Variants in RFX7 observed in about 807,000 individuals in gnomAD.
RFX7 encodes regulatory factor X7, also known as DNA-binding protein RFX7.
RFX7 carries 26 observed loss-of-function variants against 111.8 expected under a neutral mutation model. The ratio of observed to expected loss-of-function variants is 0.23; its 90% CI spans 0.17 to 0.32. RFX7 has a LOEUF of 0.32. RFX7 is among the 10% of genes least tolerant of loss of function. RFX7 has a pLI of 1.00. For missense variants in RFX7, 1,573 were observed against 1,772.9 expected, an observed-to-expected ratio of 0.89 and a Z score of 2.02; for synonymous variants, 624 against 624.4, an observed-to-expected ratio of 1.00 and a Z score of 0.01.
At chr15:56,243,056 G>GCCC in intron 2 of RFX7, 69 bp downstream of exon 2, 4 of 520,782 alleles carry the variant, frequency 7.7e-6, no homozygotes, top group South Asian at 5.0e-5. Flanking sequence ...CCCGCCCGCC[G>GCCC]CCCCCCACCC....
At chr15:56,212,514 T>C (rs1230855398) in intron 2 of RFX7, among the ~76,000 whole-genome samples, 1 of 152,116 alleles carries the variant, frequency 6.6e-6, no homozygotes, top group Non-Finnish European at 1.5e-5. Flanking sequence ...CTGTGGGTAA[T>C]ACTGTGTCAA....
intron 2 of RFX7, among the ~76,000 whole-genome samples, chr15:56,191,844 T>C (rs1473996047): frequency 2.0e-5 from 3 of 152,122 alleles, no homozygotes; most frequent in East Asian, 3.9e-4. Flanking sequence ...ACATCTTATG[T>C]TGTGCCCAGA....
At chr15:56,241,236 A>C (rs2043685904) in intron 2 of RFX7, among the ~76,000 whole-genome samples, 1 of 152,126 alleles carries the variant, frequency 6.6e-6, no homozygotes, top group South Asian at 2.1e-4. Context: ...AGTTTTTCTC[A>C]TGTTAAAGTC....
intron 2 of RFX7, among the ~76,000 whole-genome samples, chr15:56,201,899 C>T (rs1279390543): frequency 2.6e-5 from 4 of 152,062 alleles, no homozygotes; most frequent in Non-Finnish European, 4.4e-5. Flanking sequence ...GGCACGGTGG[C>T]GGGCGCCTAT....
chr15:56,175,205 A>G (rs2042890453), intron 3 of RFX7, among the ~76,000 whole-genome samples: 1 of 152,148 alleles, frequency 6.6e-6, no homozygotes, highest in South Asian at 2.1e-4. Flanking sequence ...AGCATCTAAA[A>G]ACTTTTAGTT....
intron 2 of RFX7, among the ~76,000 whole-genome samples, chr15:56,183,001 T>C (rs957069284): frequency 1.3e-5 from 2 of 152,162 alleles, no homozygotes; most frequent in Non-Finnish European, 2.9e-5. Flanking sequence ...ATATATGCCA[T>C]TTATACATGA....
In RFX7 at chr15:56,094,398, T is replaced by C; in HGVS notation, c.3330A>G (p.Gln1110=). The part of the protein sequence containing the change: ...FAVPGQSYQS[Q]SRHHDTHFGR... ...CAAAATGAGTGTCATGATGTCTGGA[T>C]TGAGACTGATAAGACTGTCCAGGCA... The change falls in exon 10 of 10, where the codon CAA becomes CAG. Residue 1110 remains glutamine, a synonymous_variant. Coordinates refer to ENST00000559447, the MANE Select transcript of RFX7 (RefSeq NM_022841.7). 2 of 1,613,936 alleles carry C rather than the reference T, an allele frequency of 1.2e-6. No homozygotes were observed. The highest frequency in any genetic ancestry group is 1.7e-6 in the Non-Finnish European group (2 of 1,179,864).
chr15:56,089,977 T>C lies in RFX7; in HGVS notation c.*3368A>G, dbSNP rs1165319912. The stretch of plus-strand genomic sequence containing the variant: ...AGTCCCTGGCACTGGTTGTTGTTGC[T>C]TCTCAGTTTCAAGAGTGAGGAAACT... On this transcript the variant is annotated 3_prime_UTR_variant, in exon 10 of 10. Coordinates refer to ENST00000559447, the MANE Select transcript of RFX7 (RefSeq NM_022841.7). 6.6e-6 allele frequency: 1 copy of C among 152,148 alleles called. No individual in the cohort carries two copies. 9.4% of individuals were successfully genotyped at this position (152,148 alleles called of 1,614,324 possible).
At chr15:56,144,380 C>A in intron 4 of RFX7, 21 bp downstream of exon 4, 1 of 1,296,422 alleles carries the variant, frequency 7.7e-7, no homozygotes. Context: ...ATAATTATAG[C>A]AAAGACAAGA....
At chr15:56,129,297 C>A (rs1332713883) in intron 5 of RFX7, among the ~76,000 whole-genome samples, 2 of 151,772 alleles carry the variant, frequency 1.3e-5, no homozygotes, top group Admixed American at 1.3e-4. Context: ...ATCACTTGAA[C>A]CCGGAAGGCA....
intron 5 of RFX7, among the ~76,000 whole-genome samples, chr15:56,110,069 C>A (rs1273140391): frequency 1.5e-5 from 2 of 133,590 alleles, no homozygotes; most frequent in Middle Eastern, 7.8e-3. Flanking sequence ...GCCCAGCCAG[C>A]CGCCCCGTCT....
chr15:56,214,492 G>T (rs866782864), intron 2 of RFX7, among the ~76,000 whole-genome samples: 10 of 151,252 alleles, frequency 6.6e-5, no homozygotes, highest in African/African-American at 2.4e-4. Context: ...GAGGTGGGCG[G>T]ATCACGAGGT....
At chr15:56,229,982 C>T (rs1228117343) in intron 2 of RFX7, among the ~76,000 whole-genome samples, 2 of 152,142 alleles carry the variant, frequency 1.3e-5, no homozygotes, top group East Asian at 3.8e-4. Context: ...CTACCTCCTT[C>T]CTTATCTGCC....
At chr15:56,182,934 C>T (rs997711347) in intron 2 of RFX7, among the ~76,000 whole-genome samples, 1 of 151,994 alleles carries the variant, frequency 6.6e-6, no homozygotes, top group Non-Finnish European at 1.5e-5. Flanking sequence ...ACACTTGTAT[C>T]CATTTATACT....
chr15:56,158,787 C>T (rs762428420), intron 3 of RFX7, among the ~76,000 whole-genome samples: 5 of 152,130 alleles, frequency 3.3e-5, no homozygotes, highest in Non-Finnish European at 7.3e-5. Flanking sequence ...TGTGCCACTA[C>T]AGCCTGGGTA....
intron 9 of RFX7, among the ~76,000 whole-genome samples, chr15:56,096,883 T>G (rs1358058874): frequency 6.6e-6 from 1 of 152,180 alleles, no homozygotes; most frequent in Non-Finnish European, 1.5e-5. Context: ...TTCACACCTG[T>G]GATGAATATT....
chr15:56,166,883 C>T (rs987373862), intron 3 of RFX7, among the ~76,000 whole-genome samples: 2 of 152,044 alleles, frequency 1.3e-5, no homozygotes, highest in Admixed American at 6.5e-5. Flanking sequence ...GTAGCTGGGG[C>T]GACAGCTACC....
chr15:56,191,132 G>C (rs2043096935), intron 2 of RFX7, among the ~76,000 whole-genome samples: 1 of 152,194 alleles, frequency 6.6e-6, no homozygotes, highest in Non-Finnish European at 1.5e-5. Flanking sequence ...CAGAGGTAGG[G>C]ATGTAAAAGA....
rs769885481 is a variant in RFX7, at chr15:56,098,184, C to G, written c.1004G>C (p.Ser335Thr). The G allele has an allele frequency of 4.3e-6, 7 of 1,613,846 alleles. No homozygotes were observed. The highest frequency in any genetic ancestry group is 1.3e-5 in the African/African-American group (1 of 74,934). The change falls in exon 9 of 10, where the codon AGT becomes ACT. Residue 335 changes from serine to threonine, a missense_variant. Ser to Thr is a moderately conservative substitution (Grantham distance 58). Transcript: ENST00000559447. Reference sequence around the variant, plus strand: ...ATTAGTCACTCCATTGCTTGTAGCACTTTCTGACTTTTTTGCTGCAGATTC... The same window carrying G: ...ATTAGTCACTCCATTGCTTGTAGCAGTTTCTGACTTTTTTGCTGCAGATTC... The part of the protein sequence containing the change: ...PGESAAKKSE[S>T]ATSNGVTNLP...
Sources: allele counts gnomAD v4.1 joint callset (sites outside exome capture counted in the v4.1 genomes callset), GRCh38; gene constraint gnomAD v4.1.1; transcripts MANE v1.5; gene names NCBI Gene and HGNC (gene_info 2026-07-23, HGNC 2026-07-21).